TNS3: variants seen among roughly 807,000 people sequenced by gnomAD.
TNS3 encodes the protein tensin 3, also known as tensin-3.
A neutral mutation model predicts 140.9 loss-of-function variants in TNS3; 45 were observed. The ratio of observed to expected loss-of-function variants is 0.32; its 90% CI spans 0.25 to 0.41. The LOEUF (loss-of-function observed/expected upper bound fraction) is 0.41, where lower values mean the gene tolerates loss of function less well. TNS3 is among the 10% of genes least tolerant of loss of function. The pLI is 1.00. For missense variants in TNS3, 1,716 were observed against 1,906.7 expected, an observed-to-expected ratio of 0.90 and a Z score of 1.86; for synonymous variants, 815 against 788.4, an observed-to-expected ratio of 1.03 and a Z score of -0.56.
intron 1 of TNS3, among the ~76,000 whole-genome samples, chr7:47,548,675 C>T (rs1348817672): frequency 2.0e-5 from 3 of 152,142 alleles, no homozygotes; most frequent in Non-Finnish European, 4.4e-5. Flanking sequence ...GGGCTCCGAC[C>T]TGCAGGTCCT....
At position 47,283,631 on chromosome 7, in the gene TNS3, A is replaced by C; in HGVS notation, c.4097+66T>G. 4 of 1,429,974 alleles carry C rather than the reference A, an allele frequency of 2.8e-6. No individual in the cohort carries two copies. In the South Asian group the frequency reaches 6.4e-5, roughly 23 times the overall value. 88.6% of individuals were successfully genotyped at this position (1,429,974 alleles called of 1,614,324 possible). On this transcript the variant is annotated intron_variant, in intron 28 of 30. Coordinates refer to ENST00000311160, the MANE Select transcript of TNS3 (RefSeq NM_022748.12). ...ACCTGGATGACTACTCACACTAGGG[A>C]AGAACAAGAGGAACGTGACAGCCCC...
chr7:47,423,569 A>T (rs1050492941), intron 10 of TNS3, among the ~76,000 whole-genome samples: 1 of 152,242 alleles, frequency 6.6e-6, no homozygotes, highest in Non-Finnish European at 1.5e-5. Flanking sequence ...GGAACTGATG[A>T]GCTACAAGAA....
At chr7:47,376,538 G>A (rs1177385834) in intron 16 of TNS3, among the ~76,000 whole-genome samples, 1 of 152,154 alleles carries the variant, frequency 6.6e-6, no homozygotes, top group Non-Finnish European at 1.5e-5. Context: ...GCAGGAAACG[G>A]GAAGTCCATT....
intron 3 of TNS3, among the ~76,000 whole-genome samples, chr7:47,483,109 G>GT (rs1255688289): frequency 6.6e-6 from 1 of 151,994 alleles, no homozygotes; most frequent in African/African-American, 2.4e-5. Flanking sequence ...CTAATCAAGT[G>GT]TAACAAATGT....
At chr7:47,539,285 A>G (rs891342274) in intron 1 of TNS3, 1 of 363,166 alleles carries the variant, frequency 2.8e-6, no homozygotes, top group African/African-American at 2.1e-5. Context: ...TTGCAGGGAT[A>G]CCCTGAATCT....
chr7:47,343,515 G>A (rs1165918287), intron 20 of TNS3, among the ~76,000 whole-genome samples: 2 of 152,220 alleles, frequency 1.3e-5, no homozygotes, highest in African/African-American at 4.8e-5. Flanking sequence ...CAGAGGGCTA[G>A]ATGCCAGCCC....
intron 2 of TNS3, among the ~76,000 whole-genome samples, chr7:47,514,202 G>T (rs1320489949): frequency 1.3e-5 from 2 of 152,226 alleles, no homozygotes; most frequent in East Asian, 3.8e-4. Flanking sequence ...AACCCACAGC[G>T]GGGGACCGCC....
chr7:47,515,014 G>T (rs1395612672), intron 2 of TNS3, among the ~76,000 whole-genome samples: 1 of 152,214 alleles, frequency 6.6e-6, no homozygotes, highest in Non-Finnish European at 1.5e-5. Context: ...GAGCACACCA[G>T]CAAGGTTTTG....
chr7:47,406,705 C>A (rs907822157), intron 13 of TNS3, among the ~76,000 whole-genome samples: 1 of 152,140 alleles, frequency 6.6e-6, no homozygotes, highest in Non-Finnish European at 1.5e-5. Flanking sequence ...GCTTTCTGCT[C>A]GTTAGGATCC....
Position 47,400,739 on chromosome 7 carries a change from A to C in TNS3, c.853+46T>G, listed in dbSNP as rs768974618. On this transcript the variant is annotated intron_variant, in intron 14 of 30. Coordinates refer to ENST00000311160, the MANE Select transcript of TNS3 (RefSeq NM_022748.12). ...GTGAAAGAATCAACCAAGGAGGTTCAACCGCAGCTGCCCACAAGCACAGGG... is the reference window on the plus strand; with the variant it reads ...GTGAAAGAATCAACCAAGGAGGTTCCACCGCAGCTGCCCACAAGCACAGGG... The C allele has an allele frequency of 4.4e-6, 7 of 1,604,706 alleles. No individual in the cohort carries two copies. In the African/African-American group the frequency reaches 9.3e-5, roughly 21 times the overall value.
intron 1 of TNS3, chr7:47,556,901 C>A: frequency 2.5e-6 from 1 of 394,214 alleles, no homozygotes; most frequent in Admixed American, 2.8e-5. Context: ...CTCAATGCAA[C>A]GGTGCTGGGC....
intron 4 of TNS3, among the ~76,000 whole-genome samples, chr7:47,474,168 A>C (rs1401056583): frequency 6.8e-6 from 1 of 146,258 alleles, no homozygotes; most frequent in Non-Finnish European, 1.5e-5. Context: ...AAAACCTCAC[A>C]CACAACACCT....
At chr7:47,365,767 T>G (rs553156612) in intron 17 of TNS3, among the ~76,000 whole-genome samples, 1 of 151,830 alleles carries the variant, frequency 6.6e-6, no homozygotes, top group African/African-American at 2.4e-5. Flanking sequence ...CTCAAAAAAA[T>G]AAATAAAAAA....
Position 47,275,490 on chromosome 7 carries a change from T to C in TNS3, c.*2586A>G, listed in dbSNP as rs2150505061. ...CGCATTTACTCCCCAGGGCAGTACG[T>C]GCCTGTCCAGCGGGAGCCCTGGAGA... On this transcript the variant is annotated 3_prime_UTR_variant, in exon 31 of 31. Coordinates refer to ENST00000311160, the MANE Select transcript of TNS3 (RefSeq NM_022748.12). 1 of 309,262 alleles carries C rather than the reference T, an allele frequency of 3.2e-6. No homozygotes were observed. Among genetic ancestry groups the C allele is most frequent in the East Asian group, 8.8e-5 (1 of 11,408 alleles). 19.2% of individuals were successfully genotyped at this position (309,262 alleles called of 1,614,324 possible). A position where few individuals can be genotyped will look rare whatever the true frequency, so the allele number is the denominator to read the frequency against.
At position 47,476,018 on chromosome 7, in the gene TNS3, C is replaced by T. The variant is rs755246894; in HGVS notation, c.-76+5085G>A. Among the ~76,000 whole-genome samples the T allele has an allele frequency of 2.6e-5, 4 of 152,300 alleles. No individual in the cohort carries two copies. The East Asian group carries it at 7.7e-4, about 29-fold the overall frequency. On this transcript the variant is annotated intron_variant, in intron 4 of 30. Coordinates refer to ENST00000311160, the MANE Select transcript of TNS3 (RefSeq NM_022748.12). Reference sequence around the variant, plus strand: ...AACCAGATCAACAATGAATGGCACACAGCAAAGGCTGTGGGCACCAGAAGA... The same window carrying T: ...AACCAGATCAACAATGAATGGCACATAGCAAAGGCTGTGGGCACCAGAAGA...
chr7:47,477,053 G>A (rs1326220688), intron 4 of TNS3, among the ~76,000 whole-genome samples: 3 of 152,094 alleles, frequency 2.0e-5, no homozygotes, highest in Admixed American at 6.6e-5. Context: ...TAAATGCCCC[G>A]GGGAGCCACA....
At chr7:47,403,114 C>T (rs2151361358) in intron 13 of TNS3, among the ~76,000 whole-genome samples, 1 of 152,270 alleles carries the variant, frequency 6.6e-6, no homozygotes, top group East Asian at 1.9e-4. Context: ...CCGTCAGTAC[C>T]GCCCCGCCCA....
chr7:47,513,602 T>C (rs188497029), intron 2 of TNS3, among the ~76,000 whole-genome samples: 203 of 152,342 alleles, frequency 1.3e-3, no homozygotes, highest in Middle Eastern at 3.4e-3. Flanking sequence ...ACCAGATGAA[T>C]GAAAAACATA....
intron 16 of TNS3, among the ~76,000 whole-genome samples, chr7:47,377,304 G>C (rs148445059): frequency 2.0e-5 from 3 of 152,240 alleles, no homozygotes; most frequent in African/African-American, 7.2e-5. Context: ...TCTGCAGGCA[G>C]TCTCCTGGAG....
Sources: gnomAD v4.1 joint callset for allele counts (sites outside exome capture counted in the v4.1 genomes callset) on GRCh38, gnomAD v4.1.1 for gene constraint, MANE v1.5 for transcripts, NCBI Gene and HGNC (gene_info 2026-07-23, HGNC 2026-07-21) for gene names.